HHLA2: variants seen among roughly 807,000 people sequenced by gnomAD.
HHLA2 encodes HHLA2 member of B7 family, also known as HERV-H LTR-associating protein 2.
Under a neutral mutation model 45.9 loss-of-function variants are expected in HHLA2, and 48 were observed. That is an observed-to-expected ratio of 1.05 (90% CI 0.83 to 1.33). HHLA2 has a LOEUF of 1.33. HHLA2 is among the 40% of genes most tolerant of loss of function. The pLI, the probability that HHLA2 is intolerant of heterozygous loss-of-function variation, is 0.00. For missense variants in HHLA2, 462 were observed against 494.3 expected (o/e 0.93, Z 0.62); for synonymous variants, 161 against 173.9 (o/e 0.93, Z 0.59).
At chr3:108,376,382 GGA>G (rs2082275264) in intron 9 of HHLA2, 109 bp from the exon 9 acceptor site, 2 of 750,058 alleles carry the variant, frequency 2.7e-6, no homozygotes, top group African/African-American at 3.5e-5. Flanking sequence ...AGATATGCAG[GGA>G]GAGTAACTCA....
At chr3:108,328,475 A>C in intron 3 of HHLA2, 1 of 626,870 alleles carries the variant, frequency 1.6e-6, no homozygotes. Context: ...TATAACAGTG[A>C]TTTGGAGGTG....
At chr3:108,372,103 GA>G (rs1287508398) in intron 8 of HHLA2, among the ~76,000 whole-genome samples, 1 of 152,156 alleles carries the variant, frequency 6.6e-6, no homozygotes. Flanking sequence ...AAATGTAAAA[GA>G]ACAGAAATTA....
intron 1 of HHLA2, among the ~76,000 whole-genome samples, chr3:108,305,671 G>A (rs953855311): frequency 3.3e-5 from 5 of 152,102 alleles, no homozygotes; most frequent in African/African-American, 1.2e-4. Context: ...AGCTCTGGGT[G>A]GTGGCCAAGG....
At chr3:108,375,635 A>G (rs2082262828) in intron 8 of HHLA2, 115 bp from the exon 8 acceptor site, 1 of 1,327,154 alleles carries the variant, frequency 7.5e-7, no homozygotes, top group Non-Finnish European at 1.0e-6. Flanking sequence ...AAACCCTTCA[A>G]AGAACCAGAG....
At chr3:108,329,399 T>C (rs1045176470) in intron 3 of HHLA2, among the ~76,000 whole-genome samples, 14 of 152,120 alleles carry the variant, frequency 9.2e-5, no homozygotes, top group African/African-American at 1.9e-4. Flanking sequence ...AGAAATCAGA[T>C]TGAAGCCTAA....
intron 4 of HHLA2, among the ~76,000 whole-genome samples, chr3:108,352,963 A>C (rs1032686951): frequency 6.6e-6 from 1 of 152,150 alleles, no homozygotes; most frequent in Admixed American, 6.5e-5. Context: ...ATGTGCTCCA[A>C]ATATTTTCTT....
At chr3:108,348,249 T>C (rs2081705185) in intron 3 of HHLA2, among the ~76,000 whole-genome samples, 2 of 152,214 alleles carry the variant, frequency 1.3e-5, no homozygotes, top group South Asian at 4.1e-4. Flanking sequence ...GAGAGTATGA[T>C]GTTCCAGAAA....
intron 2 of HHLA2, chr3:108,326,497 T>C (rs976865867): frequency 6.6e-6 from 1 of 152,168 alleles, no homozygotes; most frequent in African/African-American, 2.4e-5. Flanking sequence ...ATGAATCAAT[T>C]ATCTCCCACT....
At chr3:108,328,419 C>A in intron 3 of HHLA2, 2 of 952,110 alleles carry the variant, frequency 2.1e-6, no homozygotes, top group Non-Finnish European at 3.1e-6. Context: ...TACTGCATGA[C>A]CAGGAAACAT....
chr3:108,371,082 G>A (rs955307069), intron 8 of HHLA2, among the ~76,000 whole-genome samples: 11 of 152,212 alleles, frequency 7.2e-5, no homozygotes, highest in Non-Finnish European at 1.6e-4. Context: ...AGAGAGAAAA[G>A]TCGGGTTACC....
At chr3:108,323,174 T>C (rs1385280688) in intron 2 of HHLA2, among the ~76,000 whole-genome samples, 1 of 151,950 alleles carries the variant, frequency 6.6e-6, no homozygotes, top group African/African-American at 2.4e-5. Flanking sequence ...GGATGGTTAA[T>C]GGAATAGAAA....
In HHLA2 at chr3:108,353,409, C is replaced by A. The variant is rs763063658; in HGVS notation, c.65-18C>A. Reference sequence around the variant, plus strand: ...ATGGCATTAATTCTCTTTATAACTTCTCTGCTCTTGACTGTAGGCATATTC... The same window carrying A: ...ATGGCATTAATTCTCTTTATAACTTATCTGCTCTTGACTGTAGGCATATTC... On this transcript the variant is annotated intron_variant, in intron 4 of 10. Coordinates refer to ENST00000619531, the Ensembl canonical transcript of HHLA2. The A allele has an allele frequency of 6.7e-7, 1 of 1,482,888 alleles. No homozygotes were observed. Among genetic ancestry groups the A allele is most frequent in the Non-Finnish European group, 9.1e-7 (1 of 1,094,148 alleles). The allele number at this position is 1,482,888 out of a possible 1,614,324, so 91.9% of individuals were successfully genotyped here. A position where few individuals can be genotyped will look rare whatever the true frequency, so the allele number is the denominator to read the frequency against.
chr3:108,306,114 A>G (rs2080924596), intron 1 of HHLA2, among the ~76,000 whole-genome samples: 1 of 152,164 alleles, frequency 6.6e-6, no homozygotes, highest in African/African-American at 2.4e-5. Flanking sequence ...ACTTTCTTAG[A>G]ACTGCTGCAA....
intron 8 of HHLA2, among the ~76,000 whole-genome samples, chr3:108,368,664 T>C (rs745482326): frequency 2.7e-5 from 4 of 146,620 alleles, no homozygotes; most frequent in Admixed American, 1.4e-4. Context: ...AAGGGATCAA[T>C]GCAACAAGAA....
In HHLA2 at chr3:108,372,901, A is replaced by G. The variant is rs573852378; in HGVS notation, c.1109-2849A>G. On this transcript the variant is annotated intron_variant, in intron 8 of 10. Coordinates refer to ENST00000619531, the Ensembl canonical transcript of HHLA2. ...CACAGCCGAATTCTACCAGAGGTAC[A>G]AAGGAGGAGCTGGTACCATTCCTTC... 3.9e-5 allele frequency among the ~76,000 whole-genome samples: 6 copies of G among 152,320 alleles called. No individual in the cohort carries two copies. In the East Asian group the frequency reaches 1.2e-3, roughly 29 times the overall value.
intron 8 of HHLA2, 64 bp from the exon 8 acceptor site, chr3:108,375,686 C>A: frequency 6.4e-7 from 1 of 1,568,664 alleles, no homozygotes; most frequent in East Asian, 2.3e-5. Context: ...CCAAGGTGAC[C>A]TTACAGGGAA....
intron 3 of HHLA2, among the ~76,000 whole-genome samples, chr3:108,338,850 G>T (rs1462615160): frequency 6.6e-6 from 1 of 152,168 alleles, no homozygotes; most frequent in Non-Finnish European, 1.5e-5. Flanking sequence ...TTGTCCTGGA[G>T]GCAGGATTTC....
intron 2 of HHLA2, among the ~76,000 whole-genome samples, chr3:108,314,800 C>T (rs2081076350): frequency 6.6e-6 from 1 of 152,178 alleles, no homozygotes; most frequent in South Asian, 2.1e-4. Context: ...TATAAGTCAT[C>T]TCACTTGTAA....
intron 8 of HHLA2, among the ~76,000 whole-genome samples, chr3:108,368,534 G>GAAAAAAAAAAAAA (rs1560276081): frequency 8.3e-5 from 1 of 12,054 alleles, no homozygotes; most frequent in African/African-American, 3.3e-4. Context: ...CAAACGAAGA[G>GAAAAAAAAAAAAA]CAAAAAAAAA....
Sources: allele counts gnomAD v4.1 joint callset (sites outside exome capture counted in the v4.1 genomes callset), GRCh38; gene constraint gnomAD v4.1.1; transcripts MANE v1.5; gene names NCBI Gene and HGNC (gene_info 2026-07-23, HGNC 2026-07-21).